Variants in ZC2HC1B observed in about 807,000 individuals in gnomAD.
ZC2HC1B encodes zinc finger C2HC domain-containing protein 1B.
A neutral mutation model predicts 31.0 loss-of-function variants in ZC2HC1B; 36 were observed. That is an observed-to-expected ratio of 1.16 (90% CI 0.89 to 1.54). ZC2HC1B has a LOEUF of 1.54. Ranked by LOEUF, ZC2HC1B falls within the 40% of genes most tolerant of loss-of-function variation. The pLI is 0.00. For missense variants in ZC2HC1B, 260 were observed against 268.6 expected (o/e 0.97, Z 0.22); for synonymous variants, 73 against 88.0 (o/e 0.83, Z 0.95).
chr6:143,897,197 A>G lies in ZC2HC1B; in HGVS notation c.350-1355A>G, dbSNP rs1192764640. Reference sequence around the variant, plus strand: ...ACATGAAATACCCATCCACGCATGTAGGAATTTTGACTATACACTAACACA... The same window carrying G: ...ACATGAAATACCCATCCACGCATGTGGGAATTTTGACTATACACTAACACA... On this transcript the variant is annotated intron_variant, in intron 4 of 7. Coordinates refer to ENST00000237275, the MANE Select transcript of ZC2HC1B (RefSeq NM_001013623.3). Among the ~76,000 whole-genome samples the G allele has an allele frequency of 2.6e-5, 4 of 151,942 alleles. No homozygotes were observed. The East Asian group carries it at 7.7e-4, about 29-fold the overall frequency.
chr6:143,934,081 A>G lies in ZC2HC1B; in HGVS notation c.599-3568A>G, dbSNP rs1387625761. Among the ~76,000 whole-genome samples the G allele has an allele frequency of 1.3e-5, 2 of 152,184 alleles. No homozygotes were observed. Among genetic ancestry groups the G allele is most frequent in the African/African-American group, 4.8e-5 (2 of 41,442 alleles). On this transcript the variant is annotated intron_variant, in intron 6 of 7. Coordinates refer to ENST00000237275, the MANE Select transcript of ZC2HC1B (RefSeq NM_001013623.3). The surrounding 1 kb of genome is among the most constrained non-coding windows in gnomAD (Gnocchi z 4.6). ...TACTTTTACATTTCACAGCAAATCAATTTCAGCTCTAGGTAAGGCTAAATT... is the reference window on the plus strand; with the variant it reads ...TACTTTTACATTTCACAGCAAATCAGTTTCAGCTCTAGGTAAGGCTAAATT...
Position 143,922,907 on chromosome 6 carries a change from T to G in ZC2HC1B, c.599-14742T>G, listed in dbSNP as rs1306772771. 2.6e-5 allele frequency among the ~76,000 whole-genome samples: 4 copies of G among 152,196 alleles called. No homozygotes were observed. The East Asian group carries it at 7.7e-4, about 29-fold the overall frequency. On this transcript the variant is annotated intron_variant, in intron 6 of 7. Coordinates refer to ENST00000237275, the MANE Select transcript of ZC2HC1B (RefSeq NM_001013623.3). This position sits in a 1 kb window ranked among gnomAD's most constrained non-coding sequence, Gnocchi z 5.0. The stretch of plus-strand genomic sequence containing the variant: ...CTAGATTTTGTGTTAGTTGTATTGT[T>G]AGTTTGTTGAGGAAACTTCATTCTG...
In ZC2HC1B at chr6:143,887,069, A is replaced by G. The variant is rs1319174306; in HGVS notation, c.349+248A>G. 6.6e-6 allele frequency among the ~76,000 whole-genome samples: 1 copy of G among 152,126 alleles called. No homozygotes were observed. The highest frequency in any genetic ancestry group is 1.5e-5 in the Non-Finnish European group (1 of 68,022). ...TACATGACTCCAAGAAACACCAGAC[A>G]CCTCTTAGCCGATAGGTATGGAGCT... On this transcript the variant is annotated intron_variant, in intron 4 of 7. Transcript: ENST00000237275. This position sits in a 1 kb window ranked among gnomAD's most constrained non-coding sequence, Gnocchi z 5.1.
In ZC2HC1B at chr6:143,934,618, A is replaced by G. The variant is rs565843371; in HGVS notation, c.599-3031A>G. On this transcript the variant is annotated intron_variant, in intron 6 of 7. Coordinates refer to ENST00000237275, the MANE Select transcript of ZC2HC1B (RefSeq NM_001013623.3). The surrounding 1 kb of genome is among the most constrained non-coding windows in gnomAD (Gnocchi z 4.6). ...CTTCATAGGAAAGACTTCTTCCTAC[A>G]TATGTATCTATAGTGATAGTTGGGT... Among the ~76,000 whole-genome samples, 21 of 152,278 alleles carry G rather than the reference A, an allele frequency of 1.4e-4. No individual in the cohort carries two copies. The East Asian group carries it at 3.9e-3, about 28-fold the overall frequency.
At chr6:143,879,791 G>GTT (rs11454914) in intron 1 of ZC2HC1B, among the ~76,000 whole-genome samples, 107 of 93,016 alleles carry the variant, frequency 1.2e-3, no homozygotes, top group East Asian at 4.1e-3. Flanking sequence ...GTTTGTTTTT[G>GTT]TTTTTTTTTT....
At chr6:143,919,145 T>C (rs1429158668) in intron 6 of ZC2HC1B, among the ~76,000 whole-genome samples, 2 of 152,018 alleles carry the variant, frequency 1.3e-5, no homozygotes, top group Non-Finnish European at 2.9e-5. Flanking sequence ...TTGTTGTAAA[T>C]TGGACATTTG....
At chr6:143,920,894 G>C (rs1251765002) in intron 6 of ZC2HC1B, among the ~76,000 whole-genome samples, 1 of 136,994 alleles carries the variant, frequency 7.3e-6, no homozygotes, top group Non-Finnish European at 1.5e-5. Flanking sequence ...AACACAGCGA[G>C]AGACTCCGTC....
rs567514389 is a variant in ZC2HC1B, at chr6:143,871,357, G to A, written c.28+6790G>A. ...AGCCAAACAGTTAATATACCTCTGA[G>A]GTAGAACAGTAAAGGTATATTGCTG... On this transcript the variant is annotated intron_variant, in intron 1 of 7. Coordinates refer to ENST00000237275, the MANE Select transcript of ZC2HC1B (RefSeq NM_001013623.3). The surrounding 1 kb of genome is among the most constrained non-coding windows in gnomAD (Gnocchi z 4.1). Among the ~76,000 whole-genome samples, 15 of 152,316 alleles carry A rather than the reference G, an allele frequency of 9.8e-5. No homozygotes were observed. Among genetic ancestry groups the A allele is most frequent in the Non-Finnish European group, 2.9e-5 (2 of 68,036 alleles).
chr6:143,903,107 C>G lies in ZC2HC1B; in HGVS notation c.553C>G (p.Gln185Glu). The G allele has an allele frequency of 6.4e-7, 1 of 1,552,068 alleles. No individual in the cohort carries two copies. The highest frequency in any genetic ancestry group is 8.7e-7 in the Non-Finnish European group (1 of 1,147,076). Residue 185 changes from glutamine (Q) to glutamate (E), a missense_variant, in exon 6 of 8, where the codon CAG becomes GAG. Gln to Glu is a conservative substitution (Grantham distance 29). Coordinates refer to ENST00000237275, the MANE Select transcript of ZC2HC1B (RefSeq NM_001013623.3). This position sits in a 1 kb window ranked among gnomAD's most constrained non-coding sequence, Gnocchi z 4.3. ...TACCAGTGCTGTGGGAGCTTTGCTG[C>G]AGAACAGGGTCCTGGTGGCCACGAA... ...TVTSAVGALLQNRVLVATNEV... is the reference protein window; with the variant it reads ...TVTSAVGALLENRVLVATNEV...
Position 143,887,657 on chromosome 6 carries a change from T to C in ZC2HC1B, c.349+836T>C, listed in dbSNP as rs1486265159. 6.6e-6 allele frequency among the ~76,000 whole-genome samples: 1 copy of C among 152,186 alleles called. No individual in the cohort carries two copies. The highest frequency in any genetic ancestry group is 2.4e-5 in the African/African-American group (1 of 41,460). On this transcript the variant is annotated intron_variant, in intron 4 of 7. Transcript: ENST00000237275. The surrounding 1 kb of genome is among the most constrained non-coding windows in gnomAD (Gnocchi z 5.1). Reference sequence around the variant, plus strand: ...TATCCCTACCAGGCTATTCACCTTTTAGAATGTCTCATGTTCTGTATTTCT... The same window carrying C: ...TATCCCTACCAGGCTATTCACCTTTCAGAATGTCTCATGTTCTGTATTTCT...
At chr6:143,909,093 C>T (rs1429144855) in intron 6 of ZC2HC1B, among the ~76,000 whole-genome samples, 16 of 152,096 alleles carry the variant, frequency 1.1e-4, no homozygotes, top group African/African-American at 2.4e-5. Flanking sequence ...TACATTGAAC[C>T]AACCTTGCAT....
At chr6:143,902,085 T>A (rs1777744638) in intron 5 of ZC2HC1B, among the ~76,000 whole-genome samples, 1 of 152,096 alleles carries the variant, frequency 6.6e-6, no homozygotes, top group Non-Finnish European at 1.5e-5. Flanking sequence ...CAGAGCTGAG[T>A]GGTGATTGCG....
At chr6:143,925,753 G>C (rs1015805289) in intron 6 of ZC2HC1B, among the ~76,000 whole-genome samples, 1 of 151,686 alleles carries the variant, frequency 6.6e-6, no homozygotes. Flanking sequence ...TGGTCAGGCT[G>C]GTCTCGAACT....
Position 143,876,059 on chromosome 6 carries a change from G to A in ZC2HC1B, c.29-8245G>A, listed in dbSNP as rs183907814. On this transcript the variant is annotated intron_variant, in intron 1 of 7. Coordinates refer to ENST00000237275, the MANE Select transcript of ZC2HC1B (RefSeq NM_001013623.3). ...CACTTTAACAGTAGACACTTGGCAA[G>A]GCTGTGCATGCACCTTTCATTGCAG... is the stretch of plus-strand genomic sequence containing the variant. Among the ~76,000 whole-genome samples, 315 of 150,684 alleles carry A rather than the reference G, an allele frequency of 2.1e-3. 24 individuals are homozygous for A. The highest frequency in any genetic ancestry group is 7.5e-3 in the African/African-American group (305 of 40,934).
intron 6 of ZC2HC1B, among the ~76,000 whole-genome samples, chr6:143,936,315 A>G (rs563503660): frequency 2.0e-5 from 3 of 152,350 alleles, no homozygotes; most frequent in Admixed American, 6.5e-5. Context: ...TCGATGTACT[A>G]TTCATATCTC....
intron 4 of ZC2HC1B, among the ~76,000 whole-genome samples, chr6:143,889,721 A>G (rs182458827): frequency 1.2e-4 from 19 of 152,258 alleles, no homozygotes; most frequent in Admixed American, 1.2e-3. Context: ...ATATTTGGAG[A>G]TTTTATCACT....
rs193199265 is a variant in ZC2HC1B at position 143,903,743 on chromosome 6, C to T, written c.598+591C>T. 2.0e-4 allele frequency among the ~76,000 whole-genome samples: 30 copies of T among 152,158 alleles called. No individual in the cohort carries two copies. The East Asian group carries it at 4.3e-3, about 22-fold the overall frequency. ...TGTTGAAGTCCCTGATATAAAATGGCGTAGAATTTGTATATAACCTAGGCA... is the reference window on the plus strand; with the variant it reads ...TGTTGAAGTCCCTGATATAAAATGGTGTAGAATTTGTATATAACCTAGGCA... On this transcript the variant is annotated intron_variant, in intron 6 of 7. Transcript: ENST00000237275. This position sits in a 1 kb window ranked among gnomAD's most constrained non-coding sequence, Gnocchi z 4.3.
rs1778151030 is a variant in ZC2HC1B, at chr6:143,934,042, C to T, written c.599-3607C>T. 6.6e-6 allele frequency among the ~76,000 whole-genome samples: 1 copy of T among 152,192 alleles called. No individual in the cohort carries two copies. Among genetic ancestry groups the T allele is most frequent in the Admixed American group, 6.5e-5 (1 of 15,278 alleles). On this transcript the variant is annotated intron_variant, in intron 6 of 7. Transcript: ENST00000237275. This position sits in a 1 kb window ranked among gnomAD's most constrained non-coding sequence, Gnocchi z 4.6. ...GAATGGGACTGCCTACAAGGCTTGT[C>T]CCACTGCTGCTTCTACTTTTACATT...
intron 6 of ZC2HC1B, among the ~76,000 whole-genome samples, chr6:143,914,765 T>C (rs1777897891): frequency 6.6e-6 from 1 of 152,194 alleles, no homozygotes; most frequent in Non-Finnish European, 1.5e-5. Context: ...TCTTGTAATC[T>C]TTTTTGACTT....
Sources: gnomAD v4.1 joint callset for allele counts (sites outside exome capture counted in the v4.1 genomes callset) on GRCh38, gnomAD v4.1.1 for gene constraint, Gnocchi (gnomAD v3.1) non-coding constraint, MANE v1.5 for transcripts, NCBI Gene and HGNC (gene_info 2026-07-23, HGNC 2026-07-21) for gene names.